Variants in CSMD3 observed in about 807,000 individuals in gnomAD.
CSMD3 encodes the protein CUB and Sushi multiple domains 3, also known as CUB and sushi domain-containing protein 3.
In CSMD3, 177 loss-of-function variants were observed where a neutral mutation model predicts 435.2. That is an observed-to-expected ratio of 0.41 (90% CI 0.36 to 0.46). The LOEUF (loss-of-function observed/expected upper bound fraction) is 0.46, where lower values mean the gene tolerates loss of function less well. CSMD3 is among the 20% of genes least tolerant of loss of function. CSMD3 has a pLI of 0.34. For missense variants in CSMD3, 4,265 were observed against 4,504.6 expected (o/e 0.95, Z 1.52); for synonymous variants, 1,656 against 1,520.5 (o/e 1.09, Z -2.07).
intron 70 of CSMD3, among the ~76,000 whole-genome samples, chr8:112,225,705 T>C (rs1812494513): frequency 6.6e-6 from 1 of 152,184 alleles, no homozygotes; most frequent in South Asian, 2.1e-4. Flanking sequence ...ATGGTATACA[T>C]TAAAGCATGC....
intron 5 of CSMD3, among the ~76,000 whole-genome samples, chr8:113,079,132 A>G (rs1263128701): frequency 6.6e-6 from 1 of 152,214 alleles, no homozygotes; most frequent in East Asian, 1.9e-4. Context: ...AGTAATTATT[A>G]TCTCTAATTA....
chr8:112,650,994 T>C (rs2075112675), intron 18 of CSMD3, among the ~76,000 whole-genome samples: 1 of 152,178 alleles, frequency 6.6e-6, no homozygotes, highest in Admixed American at 6.5e-5. Flanking sequence ...TTCTGTGTTG[T>C]GGGTGTCCTG....
intron 22 of CSMD3, among the ~76,000 whole-genome samples, chr8:112,614,117 G>T (rs1049929945): frequency 1.3e-5 from 2 of 152,124 alleles, no homozygotes; most frequent in Admixed American, 1.3e-4. Flanking sequence ...AAGCAAATGG[G>T]CAACTATGAA....
intron 1 of CSMD3, among the ~76,000 whole-genome samples, chr8:113,383,075 T>G (rs1797716199): frequency 6.6e-6 from 1 of 152,130 alleles, no homozygotes; most frequent in Non-Finnish European, 1.5e-5. Context: ...AGAAAATCTG[T>G]TAAAGCATGG....
chr8:113,011,720 T>TA (rs1357817586), intron 6 of CSMD3, among the ~76,000 whole-genome samples: 1 of 151,776 alleles, frequency 6.6e-6, no homozygotes, highest in Non-Finnish European at 1.5e-5. Context: ...ATTAATTTAA[T>TA]AAAAGGCCTT....
intron 13 of CSMD3, among the ~76,000 whole-genome samples, chr8:112,697,778 C>T (rs2076292719): frequency 6.6e-6 from 1 of 151,638 alleles, no homozygotes; most frequent in Admixed American, 6.6e-5. Context: ...AAAATGTAGC[C>T]CCTGTCCTTA....
intron 4 of CSMD3, among the ~76,000 whole-genome samples, chr8:113,156,952 GAGAGAC>G (rs1336543908): frequency 6.6e-6 from 1 of 151,400 alleles, no homozygotes; most frequent in South Asian, 2.1e-4. Flanking sequence ...GAGAGAGAGA[GAGAGAC>G]AGAGACAGAG....
At chr8:112,508,864 C>T (rs1394600817) in intron 28 of CSMD3, among the ~76,000 whole-genome samples, 2 of 152,024 alleles carry the variant, frequency 1.3e-5, no homozygotes, top group Non-Finnish European at 2.9e-5. Flanking sequence ...TTTCTGCACC[C>T]CTGTGCTGTA....
intron 7 of CSMD3, among the ~76,000 whole-genome samples, chr8:112,974,205 G>C (rs2084763219): frequency 6.6e-6 from 1 of 151,828 alleles, no homozygotes; most frequent in Non-Finnish European, 1.5e-5. Flanking sequence ...CACCTTAAAA[G>C]TATTTAATTT....
At chr8:113,227,115 TC>T (rs1271961663) in intron 3 of CSMD3, among the ~76,000 whole-genome samples, 2 of 151,482 alleles carry the variant, frequency 1.3e-5, no homozygotes, top group Non-Finnish European at 3.0e-5. Context: ...ACAACAATAT[TC>T]TTTTACATCA....
At chr8:112,750,780 TA>T (rs1194187162) in intron 13 of CSMD3, among the ~76,000 whole-genome samples, 2 of 151,950 alleles carry the variant, frequency 1.3e-5, no homozygotes, top group African/African-American at 2.4e-5. Context: ...ACAAGTTTAT[TA>T]AAAAAAAGTT....
intron 3 of CSMD3, among the ~76,000 whole-genome samples, chr8:113,252,162 T>C (rs940652574): frequency 2.6e-5 from 4 of 152,262 alleles, no homozygotes; most frequent in South Asian, 2.1e-4. Flanking sequence ...ATGAATCTTT[T>C]ATCTGTTAGT....
intron 58 of CSMD3, among the ~76,000 whole-genome samples, chr8:112,286,107 A>G (rs1819171601): frequency 1.3e-5 from 2 of 152,150 alleles, no homozygotes; most frequent in Admixed American, 1.3e-4. Context: ...TCTAGTAACT[A>G]ACAGTTGTAC....
intron 15 of CSMD3, among the ~76,000 whole-genome samples, chr8:112,683,844 A>G (rs1054957669): frequency 6.6e-6 from 1 of 151,798 alleles, no homozygotes; most frequent in Non-Finnish European, 1.5e-5. Flanking sequence ...TTTAAATGAA[A>G]CAGTGCAAAA....
rs187878654 is a variant in CSMD3 at position 112,525,582 on chromosome 8, G to A, written c.4565-8357C>T. Among the ~76,000 whole-genome samples the A allele has an allele frequency of 1.3e-4, 19 of 148,116 alleles. No individual in the cohort carries two copies. The East Asian group carries it at 3.0e-3, about 23-fold the overall frequency. On this transcript the variant is annotated intron_variant, in intron 27 of 70. Transcript: ENST00000297405. ...AAAAATACAAAAAAATTAGCCAGGC[G>A]TGGTGGCGGGCACCTGTAGTCCCAG...
At chr8:112,414,652 AAGTT>A (rs1389867903) in intron 32 of CSMD3, among the ~76,000 whole-genome samples, 1 of 152,090 alleles carries the variant, frequency 6.6e-6, no homozygotes, top group Non-Finnish European at 1.5e-5. Flanking sequence ...TAAGAGGCAA[AAGTT>A]AGAAAGTTTT....
At chr8:112,997,183 GT>G (rs2085685451) in intron 6 of CSMD3, among the ~76,000 whole-genome samples, 1 of 151,614 alleles carries the variant, frequency 6.6e-6, no homozygotes, top group Admixed American at 6.6e-5. Flanking sequence ...AAAACAAAAA[GT>G]TGATAGAGCT....
At chr8:112,793,684 G>C (rs1430577524) in intron 13 of CSMD3, among the ~76,000 whole-genome samples, 12 of 152,264 alleles carry the variant, frequency 7.9e-5, no homozygotes, top group Admixed American at 5.2e-4. Context: ...AAATGGAAGT[G>C]AGGTACGGAA....
chr8:112,815,523 A>T (rs2079349184), intron 12 of CSMD3, among the ~76,000 whole-genome samples: 1 of 152,122 alleles, frequency 6.6e-6, no homozygotes, highest in Non-Finnish European at 1.5e-5. Flanking sequence ...AACACTCATT[A>T]TTTGTGGGAA....
Sources: gnomAD v4.1 joint callset for allele counts (sites outside exome capture counted in the v4.1 genomes callset) on GRCh38, gnomAD v4.1.1 for gene constraint, MANE v1.5 for transcripts, NCBI Gene and HGNC (gene_info 2026-07-23, HGNC 2026-07-21) for gene names.